Variants in CRTAC1 observed in about 807,000 individuals in gnomAD.
CRTAC1 encodes cartilage acidic protein 1, also known as acidic secreted protein in cartilage.
In CRTAC1, 37 loss-of-function variants were observed where a neutral mutation model predicts 67.8. That is an observed-to-expected ratio of 0.55 (90% CI 0.42 to 0.72). The LOEUF is 0.72. CRTAC1 is among the 30% of genes least tolerant of loss of function. The pLI is 0.00. For missense variants in CRTAC1, 780 were observed against 931.6 expected, an observed-to-expected ratio of 0.84 and a Z score of 2.12; for synonymous variants, 348 against 371.0, an observed-to-expected ratio of 0.94 and a Z score of 0.71.
At chr10:97,899,155 C>T (rs1488594146) in intron 8 of CRTAC1, among the ~76,000 whole-genome samples, 1 of 152,204 alleles carries the variant, frequency 6.6e-6, no homozygotes, top group Middle Eastern at 3.2e-3. Flanking sequence ...TCCAGAGCTG[C>T]CAGCTGAGTG....
At chr10:97,905,893 G>T (rs1449636228) in intron 6 of CRTAC1, among the ~76,000 whole-genome samples, 1 of 152,104 alleles carries the variant, frequency 6.6e-6, no homozygotes, top group African/African-American at 2.4e-5. Flanking sequence ...GGGTGGCTTT[G>T]CCCAGAGCGA....
At chr10:97,942,752 T>A (rs980041035) in intron 2 of CRTAC1, among the ~76,000 whole-genome samples, 4 of 151,644 alleles carry the variant, frequency 2.6e-5, no homozygotes, top group African/African-American at 7.3e-5. Flanking sequence ...TTCATTAAAA[T>A]TTTTTTTCCA....
intron 2 of CRTAC1, among the ~76,000 whole-genome samples, chr10:97,997,948 A>G (rs968553497): frequency 1.3e-5 from 2 of 152,166 alleles, no homozygotes; most frequent in African/African-American, 4.8e-5. Flanking sequence ...TCCCAAAAGG[A>G]GAGAGCAGAG....
chr10:97,908,276 G>C, intron 5 of CRTAC1, 129 bp from the exon 6 acceptor site: 1 of 937,542 alleles, frequency 1.1e-6, no homozygotes, highest in South Asian at 1.7e-5. Context: ...GGGGAATTCT[G>C]CTTCCCGTGC....
chr10:97,906,184 A>G (rs1381698703), intron 6 of CRTAC1, among the ~76,000 whole-genome samples: 1 of 152,124 alleles, frequency 6.6e-6, no homozygotes, highest in African/African-American at 2.4e-5. Context: ...AGGTGTGGGA[A>G]GAAGAGGCAG....
intron 1 of CRTAC1, among the ~76,000 whole-genome samples, chr10:98,012,067 C>A (rs888757912): frequency 1.3e-5 from 2 of 152,170 alleles, no homozygotes; most frequent in African/African-American, 4.8e-5. Context: ...ACCTCCAGAC[C>A]AAGAAGCAGT....
At chr10:97,880,718 C>T (rs2050201886) in intron 13 of CRTAC1, among the ~76,000 whole-genome samples, 1 of 152,164 alleles carries the variant, frequency 6.6e-6, no homozygotes, top group Non-Finnish European at 1.5e-5. Flanking sequence ...AATACAATAA[C>T]CCATGACCTA....
intron 2 of CRTAC1, among the ~76,000 whole-genome samples, chr10:97,993,583 A>G (rs1842500180): frequency 6.6e-6 from 1 of 152,170 alleles, no homozygotes; most frequent in African/African-American, 2.4e-5. Flanking sequence ...GGCTTGTAGA[A>G]TTTGCTTATT....
At chr10:97,888,579 G>A (rs2050319916) in intron 11 of CRTAC1, among the ~76,000 whole-genome samples, 1 of 152,190 alleles carries the variant, frequency 6.6e-6, no homozygotes, top group Admixed American at 6.5e-5. Flanking sequence ...GGCTTGACAA[G>A]GGGAAGTGAC....
At chr10:97,913,144 G>A (rs1396549001) in intron 5 of CRTAC1, among the ~76,000 whole-genome samples, 1 of 152,204 alleles carries the variant, frequency 6.6e-6, no homozygotes, top group East Asian at 1.9e-4. Context: ...GAGTGTGTGT[G>A]TGTGTAAACA....
At chr10:97,958,992 C>T (rs1029547747) in intron 2 of CRTAC1, among the ~76,000 whole-genome samples, 1 of 152,162 alleles carries the variant, frequency 6.6e-6, no homozygotes. Context: ...TGAGCGCTAC[C>T]CGTTCAGGTG....
At chr10:98,025,034 G>A (rs1013079400) in intron 1 of CRTAC1, among the ~76,000 whole-genome samples, 7 of 152,090 alleles carry the variant, frequency 4.6e-5, no homozygotes, top group Non-Finnish European at 7.4e-5. Flanking sequence ...GGTCTCAGGA[G>A]AGAGCAGATC....
intron 3 of CRTAC1, among the ~76,000 whole-genome samples, chr10:97,929,702 T>C (rs1313697759): frequency 1.3e-5 from 2 of 152,178 alleles, no homozygotes; most frequent in African/African-American, 2.4e-5. Context: ...GAGGGTTAAA[T>C]TAGATAATGT....
chr10:97,948,827 A>G (rs1412225484), intron 2 of CRTAC1, among the ~76,000 whole-genome samples: 1 of 152,214 alleles, frequency 6.6e-6, no homozygotes, highest in Non-Finnish European at 1.5e-5. Flanking sequence ...CAGGAAACTT[A>G]CAATTATGGA....
intron 7 of CRTAC1, among the ~76,000 whole-genome samples, chr10:97,903,795 T>C (rs1686730568): frequency 6.6e-6 from 1 of 152,090 alleles, no homozygotes; most frequent in African/African-American, 2.4e-5. Context: ...TCCATCACTG[T>C]CACTAACAGC....
chr10:97,879,860 C>T (rs1344790964), intron 14 of CRTAC1: 23 of 215,182 alleles, frequency 1.1e-4, no homozygotes, highest in African/African-American at 8.2e-4. Context: ...GGGGTGGGGA[C>T]GGGGTGGGGG....
intron 14 of CRTAC1, chr10:97,865,917 T>C: frequency 1.4e-6 from 1 of 725,424 alleles, no homozygotes. Context: ...TTTCCTGACC[T>C]GGGGGCTTTT....
chr10:97,879,904 G>C, intron 14 of CRTAC1: 1 of 1,104,870 alleles, frequency 9.1e-7, no homozygotes, highest in Non-Finnish European at 1.3e-6. Flanking sequence ...GAAATTACCA[G>C]TTTAGAAATT....
At chr10:97,988,669 G>A (rs931949482) in intron 2 of CRTAC1, among the ~76,000 whole-genome samples, 8 of 152,278 alleles carry the variant, frequency 5.3e-5, no homozygotes, top group Middle Eastern at 3.4e-3. Context: ...GCGGTGAGCC[G>A]AGATCACATC....
Sources: allele counts gnomAD v4.1 joint callset (sites outside exome capture counted in the v4.1 genomes callset), GRCh38; gene constraint gnomAD v4.1.1; transcripts MANE v1.5; gene names NCBI Gene and HGNC (gene_info 2026-07-23, HGNC 2026-07-21).